The following CNTN3 variants were observed in gnomAD, a reference collection of about 807,000 sequenced individuals.
CNTN3 encodes contactin-3.
A neutral mutation model predicts 119.1 loss-of-function variants in CNTN3; 60 were observed. The observed-to-expected ratio is 0.50, with a 90% CI of 0.41 to 0.62. The LOEUF (loss-of-function observed/expected upper bound fraction) is 0.62, where lower values mean the gene tolerates loss of function less well. Ranked by LOEUF, CNTN3 falls within the 20% of genes least tolerant of loss-of-function variation. The pLI, the probability that CNTN3 is intolerant of heterozygous loss-of-function variation, is 0.00. For synonymous variants in CNTN3, 450 were observed against 438.7 expected, an observed-to-expected ratio of 1.03 and a Z score of -0.32; for missense variants, 1,101 against 1,242.4, an observed-to-expected ratio of 0.89 and a Z score of 1.71.
chr3:74,416,009 A>G (rs1701514647), intron 5 of CNTN3, among the ~76,000 whole-genome samples: 1 of 152,166 alleles, frequency 6.6e-6, no homozygotes, highest in East Asian at 1.9e-4. Context: ...ATGCTAGTAC[A>G]GGATGGGCAT....
chr3:74,474,283 A>C (rs1702615425), intron 4 of CNTN3, among the ~76,000 whole-genome samples: 1 of 152,154 alleles, frequency 6.6e-6, no homozygotes, highest in Non-Finnish European at 1.5e-5. Context: ...TCTGAACAAC[A>C]CAACAAATGT....
chr3:74,409,189 ATTTT>A (rs1366056638), intron 5 of CNTN3, among the ~76,000 whole-genome samples: 1 of 152,260 alleles, frequency 6.6e-6, no homozygotes, highest in Admixed American at 6.5e-5. Flanking sequence ...TCTTGGAAAC[ATTTT>A]TTTAACTGAC....
chr3:74,436,783 T>C lies in CNTN3; in HGVS notation c.359-11843A>G, dbSNP rs1701873798. Among the ~76,000 whole-genome samples, 3 of 152,350 alleles carry C rather than the reference T, an allele frequency of 2.0e-5. No individual in the cohort carries two copies. The South Asian group carries it at 6.2e-4, about 32-fold the overall frequency. ...AAAACAAAAATCTTCATTCTGTTTA[T>C]TCTATTTCTGTACCCAGATTGTTTC... On this transcript the variant is annotated intron_variant, in intron 4 of 22. Coordinates refer to ENST00000263665, the MANE Select transcript of CNTN3 (RefSeq NM_020872.3).
chr3:74,273,861 G>A (rs1283505793), intron 20 of CNTN3, among the ~76,000 whole-genome samples: 3 of 152,158 alleles, frequency 2.0e-5, no homozygotes, highest in African/African-American at 7.2e-5. Flanking sequence ...TATAGGTGGA[G>A]GAAGAATTAG....
intron 4 of CNTN3, among the ~76,000 whole-genome samples, chr3:74,461,846 T>C (rs569886638): frequency 6.6e-6 from 1 of 152,138 alleles, no homozygotes; most frequent in Non-Finnish European, 1.5e-5. Context: ...AGACCACTTA[T>C]GTTTCTCAAT....
chr3:74,431,191 C>T lies in CNTN3; in HGVS notation c.359-6251G>A, dbSNP rs766945872. Among the ~76,000 whole-genome samples, 91 of 152,224 alleles carry T rather than the reference C, an allele frequency of 6.0e-4. 1 individual carries two copies. Among genetic ancestry groups the T allele is most frequent in the Non-Finnish European group, 1.3e-3 (88 of 68,024 alleles). The stretch of plus-strand genomic sequence containing the variant: ...AGCTCTGCACTTCAGGTTGATCTTC[C>T]CATGCAGTAGCAAGGAAAACTCCAG... On this transcript the variant is annotated intron_variant, in intron 4 of 22. Coordinates refer to ENST00000263665, the MANE Select transcript of CNTN3 (RefSeq NM_020872.3).
intron 5 of CNTN3, among the ~76,000 whole-genome samples, chr3:74,396,349 C>T (rs1331560558): frequency 1.3e-5 from 2 of 152,174 alleles, no homozygotes; most frequent in East Asian, 3.8e-4. Context: ...CCAGTAAGCA[C>T]ATGAATGATA....
At chr3:74,267,527 A>G in intron 20 of CNTN3, 149 bp from the exon 21 acceptor site, 2 of 542,684 alleles carry the variant, frequency 3.7e-6, no homozygotes, top group South Asian at 5.6e-5. Flanking sequence ...TCAGAAAAAA[A>G]TAACAGAGTA....
At chr3:74,296,223 C>T (rs1352450532) in intron 18 of CNTN3, among the ~76,000 whole-genome samples, 2 of 152,098 alleles carry the variant, frequency 1.3e-5, no homozygotes, top group East Asian at 3.9e-4. Flanking sequence ...AGACTTTTAG[C>T]TAACTCTGCA....
intron 16 of CNTN3, 89 bp downstream of exon 16, chr3:74,301,309 G>T: frequency 7.6e-7 from 1 of 1,316,308 alleles, no homozygotes; most frequent in Non-Finnish European, 1.1e-6. Context: ...TATTGAGGCT[G>T]ACCCCCTGCT....
At chr3:74,374,758 T>A (rs1704435625) in intron 5 of CNTN3, among the ~76,000 whole-genome samples, 1 of 152,138 alleles carries the variant, frequency 6.6e-6, no homozygotes, top group East Asian at 1.9e-4. Context: ...AACCTTCATA[T>A]AAAATTTGAA....
At chr3:74,450,663 T>A (rs1458254076) in intron 4 of CNTN3, among the ~76,000 whole-genome samples, 6 of 54,026 alleles carry the variant, frequency 1.1e-4, no homozygotes, top group Middle Eastern at 0.011. Flanking sequence ...CCCTCCCCCC[T>A]CCCCCCACCC....
At chr3:74,606,819 T>C (rs1284064946) in intron 1 of CNTN3, among the ~76,000 whole-genome samples, 9 of 152,172 alleles carry the variant, frequency 5.9e-5, no homozygotes, top group Non-Finnish European at 5.9e-5. Context: ...TAAGACCCTT[T>C]TGTTCTTTTT....
chr3:74,570,783 A>G (rs1256758510), intron 1 of CNTN3, among the ~76,000 whole-genome samples: 1 of 152,180 alleles, frequency 6.6e-6, no homozygotes, highest in Non-Finnish European at 1.5e-5. Context: ...TCTCTGACGT[A>G]TCACTTAGAG....
chr3:74,573,452 C>A (rs1279663921), intron 1 of CNTN3, among the ~76,000 whole-genome samples: 1 of 152,022 alleles, frequency 6.6e-6, no homozygotes. Flanking sequence ...TGGACTTCAT[C>A]AAACTTAAAA....
At chr3:74,587,844 C>G (rs1043550105) in intron 1 of CNTN3, among the ~76,000 whole-genome samples, 7 of 151,930 alleles carry the variant, frequency 4.6e-5, no homozygotes, top group Non-Finnish European at 8.8e-5. Context: ...GAATAGGAGG[C>G]GTGAGAGAGG....
intron 5 of CNTN3, among the ~76,000 whole-genome samples, chr3:74,411,422 A>G (rs1468819612): frequency 3.9e-5 from 6 of 152,144 alleles, no homozygotes; most frequent in Non-Finnish European, 8.8e-5. Context: ...CTCCATAAAC[A>G]AAGAGTTTTC....
chr3:74,389,599 T>A (rs888541283), intron 5 of CNTN3, among the ~76,000 whole-genome samples: 3 of 152,140 alleles, frequency 2.0e-5, no homozygotes, highest in African/African-American at 7.2e-5. Context: ...CACACCGACA[T>A]CTCTTTTAAT....
intron 1 of CNTN3, among the ~76,000 whole-genome samples, chr3:74,544,494 G>A (rs1024872930): frequency 6.6e-6 from 1 of 152,026 alleles, no homozygotes; most frequent in African/African-American, 2.4e-5. Flanking sequence ...AAAATTCAAT[G>A]ACAGAACCCT....
Sources: allele counts gnomAD v4.1 joint callset (sites outside exome capture counted in the v4.1 genomes callset), GRCh38; gene constraint gnomAD v4.1.1; transcripts MANE v1.5; gene names NCBI Gene and HGNC (gene_info 2026-07-23, HGNC 2026-07-21).